FYCO1: variants seen among roughly 807,000 people sequenced by gnomAD.
FYCO1 encodes FYVE and coiled-coil domain autophagy adaptor 1, also known as FYVE and coiled-coil domain-containing protein 1.
A neutral mutation model predicts 165.1 loss-of-function variants in FYCO1; 122 were observed. That is an observed-to-expected ratio of 0.74 (90% CI 0.64 to 0.86). FYCO1 has a LOEUF of 0.86. Among genes scored for constraint, FYCO1 ranks in the 40% least tolerant of loss-of-function variants. FYCO1 has a pLI of 0.00. For missense variants in FYCO1, 1,702 were observed against 1,810.3 expected (o/e 0.94, Z 1.09); for synonymous variants, 648 against 742.5 (o/e 0.87, Z 2.07).
At chr3:45,989,006 T>A (rs1454583568) in intron 1 of FYCO1, among the ~76,000 whole-genome samples, 1 of 152,212 alleles carries the variant, frequency 6.6e-6, no homozygotes, top group Admixed American at 6.5e-5. Context: ...TCCAAGTGAC[T>A]AATACTCATA....
Position 45,955,264 on chromosome 3 carries a change from G to T in FYCO1, c.3929C>A (p.Pro1310Gln), listed in dbSNP as rs747294256. Residue 1310 changes from proline to glutamine, a missense_variant, in exon 14 of 18, where the codon CCA becomes CAA. Transcript: ENST00000296137. ...CTCTACTCACTGTTCAGCCGCATTT[G>T]GGTCGAGAGAATCAGTTTCAGTGGG... ...ETPTETDSLD[P>Q]NAAEQDTTST... is the part of the protein sequence containing the mutation. 7 of 1,614,036 alleles carry T rather than the reference G, an allele frequency of 4.3e-6. No homozygotes were observed. In the Admixed American group the frequency reaches 1.0e-4, roughly 23 times the overall value.
rs1275806003 is a variant in FYCO1, at chr3:45,920,366, TCA to T, written c.*1397_*1398del. 6.6e-6 allele frequency: 1 copy of T among 152,184 alleles called. No individual in the cohort carries two copies. The highest frequency in any genetic ancestry group is 1.5e-5 in the Non-Finnish European group (1 of 68,082). The allele number at this position is 152,184 out of a possible 1,614,324, so 9.4% of individuals were successfully genotyped here. On this transcript the variant is annotated 3_prime_UTR_variant, in exon 18 of 18. Coordinates refer to ENST00000296137, the MANE Select transcript of FYCO1 (RefSeq NM_024513.4). ...CTGGAGGAACTGCCGGGCCCAGCTC[TCA>T]GATTCTCGGATAGCCTGTCTGGTGC...
chr3:45,971,964 A>T (rs1378794050), intron 6 of FYCO1, among the ~76,000 whole-genome samples: 7 of 152,242 alleles, frequency 4.6e-5, no homozygotes. Context: ...TAAGTACTTA[A>T]GAGAAAAGAG....
chr3:45,984,141 A>G (rs1239621869), intron 2 of FYCO1, among the ~76,000 whole-genome samples: 1 of 152,240 alleles, frequency 6.6e-6, no homozygotes, highest in Non-Finnish European at 1.5e-5. Context: ...CTTAAAGGTC[A>G]GCACTGGTGA....
chr3:45,979,853 A>G, intron 3 of FYCO1, 23 bp from the exon 4 acceptor site: 1 of 1,613,258 alleles, frequency 6.2e-7, no homozygotes, highest in Non-Finnish European at 8.5e-7. Flanking sequence ...AGGGAAAGGG[A>G]GAGGAGGTCC....
rs12630101 is a variant in FYCO1, at chr3:45,964,666, A to G, written c.3151-212T>C. 180,322 of 479,120 alleles carry G rather than the reference A, an allele frequency of 0.38. 36,773 individuals are homozygous for G. The highest frequency in any genetic ancestry group is 0.68 in the East Asian group (4,509 of 6,642). The allele number at this position is 479,120 out of a possible 1,614,324, so 29.7% of individuals were successfully genotyped here. On this transcript the variant is annotated intron_variant, in intron 9 of 17. Coordinates refer to ENST00000296137, the MANE Select transcript of FYCO1 (RefSeq NM_024513.4). This position sits in a 1 kb window ranked among gnomAD's most constrained non-coding sequence, Gnocchi z 4.1. Reference sequence around the variant, plus strand: ...TGGTGGTTGGCAAGTGGCAGGTACCAGAATTCCCAGGGTAACACTGAAGGT... The same window carrying G: ...TGGTGGTTGGCAAGTGGCAGGTACCGGAATTCCCAGGGTAACACTGAAGGT...
At chr3:45,981,097 T>C (rs1003645744) in intron 3 of FYCO1, among the ~76,000 whole-genome samples, 2 of 152,232 alleles carry the variant, frequency 1.3e-5, no homozygotes, top group African/African-American at 4.8e-5. Context: ...TGCTGGTCTA[T>C]GGACTGCACA....
At chr3:45,952,823 C>CT (rs1214678354) in intron 14 of FYCO1, among the ~76,000 whole-genome samples, 1 of 152,184 alleles carries the variant, frequency 6.6e-6, no homozygotes, top group African/African-American at 2.4e-5. Context: ...GTCCTGCTCA[C>CT]TTTACCACCT....
Position 45,953,507 on chromosome 3 carries a change from C to A in FYCO1, c.3944+1742G>T, listed in dbSNP as rs116840587. Among the ~76,000 whole-genome samples the A allele has an allele frequency of 9.3e-3, 1,410 of 152,286 alleles. 16 individuals carry two copies. The highest frequency in any genetic ancestry group is 0.014 in the Non-Finnish European group (934 of 68,020). On this transcript the variant is annotated intron_variant, in intron 14 of 17. Coordinates refer to ENST00000296137, the MANE Select transcript of FYCO1 (RefSeq NM_024513.4). ...CATTTTAACATGGTGGCACTTTATA[C>A]AACTCATATTTTTAAAAACTGACCT...
intron 14 of FYCO1, among the ~76,000 whole-genome samples, chr3:45,936,799 C>T (rs758529962): frequency 1.8e-4 from 28 of 152,138 alleles, no homozygotes; most frequent in Non-Finnish European, 1.3e-4. Flanking sequence ...AGGGAAGATA[C>T]CTCCTGCTAT....
In FYCO1 at chr3:45,967,491, G is replaced by A. The variant is rs149507450; in HGVS notation, c.1843C>T (p.Arg615Trp). 0.01 allele frequency: 16,743 copies of A among 1,613,566 alleles called. 108 individuals carry two copies. The highest frequency in any genetic ancestry group is 0.021 in the Admixed American group (1,244 of 60,022). The part of the protein sequence containing the change: ...VQEGSQEEEL[R>W]QANRELEKEL... ...TTCTCCAGCTCCCTGTTGGCCTGCCGGAGCTCTTCCTCCTGGCTGCCCTCT... is the reference window on the plus strand; with the variant it reads ...TTCTCCAGCTCCCTGTTGGCCTGCCAGAGCTCTTCCTCCTGGCTGCCCTCT... The change falls in exon 8 of 18, where the codon CGG becomes TGG. Residue 615 changes from arginine to tryptophan, a missense_variant. Transcript: ENST00000296137.
rs778061823 is a variant in FYCO1 at position 45,966,573 on chromosome 3, G to A, written c.2761C>T (p.Arg921Ter). The A allele has an allele frequency of 7.4e-6, 12 of 1,614,066 alleles. No homozygotes were observed. Among genetic ancestry groups the A allele is most frequent in the South Asian group, 2.2e-5 (2 of 91,094 alleles). Residue 921 changes from arginine to a stop codon, truncating the protein, a stop_gained, in exon 8 of 18, where the codon CGA (arginine) becomes TGA (stop). Coordinates refer to ENST00000296137, the MANE Select transcript of FYCO1 (RefSeq NM_024513.4). LOFTEE classifies it high-confidence loss of function. ...QVCALTVEKE[R>*]VEEALACAVQ... ...GCACAGGCCAGTGCCTCCTCCACTC[G>A]CTCCTTTTCCACGGTCAGTGCGCAA...
intron 15 of FYCO1, among the ~76,000 whole-genome samples, chr3:45,935,892 T>C (rs1158945301): frequency 2.0e-5 from 3 of 152,212 alleles, no homozygotes; most frequent in Non-Finnish European, 2.9e-5. Context: ...ACTGAATCTA[T>C]TTAATGACAA....
Position 45,967,110 on chromosome 3 carries a change from G to GA in FYCO1, c.2223_2224insT (p.Gln742SerfsTer4). On this transcript the variant is annotated frameshift_variant, in exon 8 of 18. Transcript: ENST00000296137. LOFTEE classifies it high-confidence loss of function. The stretch of plus-strand genomic sequence containing the variant: ...TCTGCTGTGAGGACCTCAATCAGCT[G>GA]GGTCTGCTGCTGGCACTGGCTCTCG... 1 of 1,613,960 alleles carries GA rather than the reference G, an allele frequency of 6.2e-7. No homozygotes were observed. Among genetic ancestry groups the GA allele is most frequent in the South Asian group, 1.1e-5 (1 of 91,078 alleles).
rs1483325894 is a variant in FYCO1 at position 45,968,634 on chromosome 3, C to T, written c.700G>A (p.Glu234Lys). ...LNNEALEGFD[E>K]MRLELDQLEV... Reference sequence around the variant, plus strand: ...AACTGGTCCAGCTCTAGTCGCATCTCATCAAAGCCCTCCAATGCCTCGTTG... The same window carrying T: ...AACTGGTCCAGCTCTAGTCGCATCTTATCAAAGCCCTCCAATGCCTCGTTG... Residue 234 changes from glutamate to lysine, a missense_variant, in exon 8 of 18, where the codon GAG becomes AAG. Glu to Lys is a moderately conservative substitution (Grantham distance 56). Coordinates refer to ENST00000296137, the MANE Select transcript of FYCO1 (RefSeq NM_024513.4). The T allele has an allele frequency of 1.2e-6, 2 of 1,614,198 alleles. No homozygotes were observed. Among genetic ancestry groups the T allele is most frequent in the Admixed American group, 1.7e-5 (1 of 60,028 alleles).
chr3:45,937,506 G>A (rs1055915601), intron 14 of FYCO1, among the ~76,000 whole-genome samples: 1 of 152,214 alleles, frequency 6.6e-6, no homozygotes, highest in Non-Finnish European at 1.5e-5. Flanking sequence ...TTCCTCCTGA[G>A]ACCCCAGTTT....
intron 17 of FYCO1, among the ~76,000 whole-genome samples, chr3:45,923,275 T>C (rs937538847): frequency 2.6e-5 from 4 of 152,222 alleles, no homozygotes; most frequent in Non-Finnish European, 5.9e-5. Flanking sequence ...TCCATTGTAT[T>C]TCCTAAGCCC....
intron 13 of FYCO1, 115 bp from the exon 14 acceptor site, chr3:45,955,508 G>A (rs1705258941): frequency 1.0e-5 from 12 of 1,205,322 alleles, no homozygotes; most frequent in Non-Finnish European, 1.5e-5. Context: ...AGCTGCTGAG[G>A]CACAATTTAA....
At position 45,958,497 on chromosome 3, in the gene FYCO1, G is replaced by A; in HGVS notation, c.3710C>T (p.Pro1237Leu). The A allele has an allele frequency of 6.2e-7, 1 of 1,614,132 alleles. No homozygotes were observed. Among genetic ancestry groups the A allele is most frequent in the Non-Finnish European group, 8.5e-7 (1 of 1,180,028 alleles). Residue 1237 changes from proline to leucine, a missense_variant, in exon 13 of 18, where the codon CCT (proline) becomes CTT (leucine). Physicochemically the swap from Pro to Leu is moderately conservative, Grantham distance 98 (BLOSUM62 -3). Transcript: ENST00000296137. ...GCTAGTGCCTGAGCCACTGCTATCA[G>A]GGGAGCCAGGGCCTTCACTGAGCTT... is the stretch of plus-strand genomic sequence containing the variant. Reference protein sequence around the residue: ...FQKLSEGPGSPDSSGSGTSQG... With the variant: ...FQKLSEGPGSLDSSGSGTSQG...
Sources: allele counts gnomAD v4.1 joint callset (sites outside exome capture counted in the v4.1 genomes callset), GRCh38; gene constraint gnomAD v4.1.1; non-coding constraint Gnocchi (gnomAD v3.1); transcripts MANE v1.5; gene names NCBI Gene and HGNC (gene_info 2026-07-23, HGNC 2026-07-21).